The following VSNL1 variants were observed in gnomAD, a reference collection of about 807,000 sequenced individuals.
VSNL1 encodes visinin-like protein 1.
Under a neutral mutation model 20.4 loss-of-function variants are expected in VSNL1, and 6 were observed. The ratio of observed to expected loss-of-function variants is 0.29; its 90% CI spans 0.16 to 0.58. The LOEUF (loss-of-function observed/expected upper bound fraction) is 0.58, where lower values mean the gene tolerates loss of function less well. VSNL1 is among the 20% of genes least tolerant of loss of function. The probability of loss-of-function intolerance (pLI) is 0.90; values close to 1 mark genes in which losing one functional copy is unlikely to be tolerated. For synonymous variants in VSNL1, 93 were observed against 86.4 expected, an observed-to-expected ratio of 1.08 and a Z score of -0.42; for missense variants, 100 against 234.5, an observed-to-expected ratio of 0.43 and a Z score of 3.75.
At chr2:17,631,257 T>A (rs1458496853) in intron 2 of VSNL1, among the ~76,000 whole-genome samples, 1 of 152,070 alleles carries the variant, frequency 6.6e-6, no homozygotes, top group African/African-American at 2.4e-5. Flanking sequence ...GGGATGGACT[T>A]TCAAAATGAC....
In VSNL1 at chr2:17,605,265, A is replaced by G. The variant is rs183371967; in HGVS notation, c.162+13029A>G. Among the ~76,000 whole-genome samples, 328 of 152,304 alleles carry G rather than the reference A, an allele frequency of 2.2e-3. 1 individual carries two copies. Among genetic ancestry groups the G allele is most frequent in the African/African-American group, 6.2e-3 (258 of 41,558 alleles). On this transcript the variant is annotated intron_variant, in intron 2 of 3. Transcript: ENST00000295156. ...AAAGATCCTTCTCTGCACAGCATCA[A>G]GTTAGGATCTGCTCCAGGGGACTAT...
At chr2:17,571,442 T>C (rs76380463) in intron 1 of VSNL1, among the ~76,000 whole-genome samples, 1 of 152,214 alleles carries the variant, frequency 6.6e-6, no homozygotes, top group African/African-American at 2.4e-5. Context: ...GAATTTAAAG[T>C]TGACGTTTCT....
chr2:17,574,451 C>A (rs78835677), intron 1 of VSNL1, among the ~76,000 whole-genome samples: 6,944 of 152,172 alleles, frequency 0.046, 549 homozygotes, highest in African/African-American at 0.16. Context: ...AGATGAGTCA[C>A]CAATTTAACT....
chr2:17,616,291 GAAGCCCAGC>G (rs1486437456), intron 2 of VSNL1, among the ~76,000 whole-genome samples: 6 of 152,244 alleles, frequency 3.9e-5, no homozygotes, highest in Non-Finnish European at 5.9e-5. Flanking sequence ...TCACAAGAGT[GAAGCCCAGC>G]AGGTTCCATG....
intron 1 of VSNL1, among the ~76,000 whole-genome samples, chr2:17,561,327 C>T (rs1208010072): frequency 6.6e-6 from 1 of 152,108 alleles, no homozygotes; most frequent in Non-Finnish European, 1.5e-5. Context: ...AAGAGAGGCA[C>T]AGAAAGAGTG....
intron 2 of VSNL1, among the ~76,000 whole-genome samples, chr2:17,614,826 A>G (rs193137869): frequency 2.0e-5 from 3 of 152,376 alleles, no homozygotes; most frequent in African/African-American, 7.2e-5. Flanking sequence ...TGGGTCAGAT[A>G]GAGCTGGGTT....
At chr2:17,578,146 T>G (rs764238668) in intron 1 of VSNL1, among the ~76,000 whole-genome samples, 1 of 152,262 alleles carries the variant, frequency 6.6e-6, no homozygotes, top group African/African-American at 2.4e-5. Flanking sequence ...CACAATTTAA[T>G]GTTGAATGAA....
At chr2:17,571,931 GA>G (rs1035343521) in intron 1 of VSNL1, among the ~76,000 whole-genome samples, 1 of 152,150 alleles carries the variant, frequency 6.6e-6, no homozygotes, top group Non-Finnish European at 1.5e-5. Context: ...AGGAGAGAGA[GA>G]AAAGTTCACA....
chr2:17,628,453 G>T (rs1453467013), intron 2 of VSNL1, among the ~76,000 whole-genome samples: 1 of 152,322 alleles, frequency 6.6e-6, no homozygotes, highest in South Asian at 2.1e-4. Flanking sequence ...ACTAGGTACC[G>T]AGGGGCAGGA....
chr2:17,654,027 T>G (rs1334413326), intron 3 of VSNL1, among the ~76,000 whole-genome samples: 1 of 152,254 alleles, frequency 6.6e-6, no homozygotes, highest in African/African-American at 2.4e-5. Flanking sequence ...GATTTATCCA[T>G]GCTGTAGCAT....
At chr2:17,583,959 GT>G (rs1664408563) in intron 1 of VSNL1, among the ~76,000 whole-genome samples, 1 of 152,134 alleles carries the variant, frequency 6.6e-6, no homozygotes, top group Non-Finnish European at 1.5e-5. Flanking sequence ...AATAGTTACT[GT>G]TTTTTGGACA....
chr2:17,577,409 A>C (rs574448004), intron 1 of VSNL1, among the ~76,000 whole-genome samples: 357 of 152,244 alleles, frequency 2.3e-3, no homozygotes, highest in African/African-American at 8.3e-3. Flanking sequence ...GTCACTTATA[A>C]ATTATATTTC....
At chr2:17,626,186 G>GC (rs1365664261) in intron 2 of VSNL1, among the ~76,000 whole-genome samples, 4 of 152,104 alleles carry the variant, frequency 2.6e-5, no homozygotes, top group African/African-American at 9.7e-5. Flanking sequence ...ACCCCAATAT[G>GC]CCCCACCTGC....
chr2:17,611,096 T>A (rs1665073464), intron 2 of VSNL1, among the ~76,000 whole-genome samples: 1 of 152,132 alleles, frequency 6.6e-6, no homozygotes, highest in Non-Finnish European at 1.5e-5. Flanking sequence ...ACAAGAGCAA[T>A]AATTACAGCA....
chr2:17,637,212 T>A (rs1395892519), intron 2 of VSNL1, among the ~76,000 whole-genome samples: 1 of 152,216 alleles, frequency 6.6e-6, no homozygotes, highest in Non-Finnish European at 1.5e-5. Context: ...CCGGAGAGCC[T>A]GTCTGAAGGC....
intron 1 of VSNL1, among the ~76,000 whole-genome samples, chr2:17,582,651 G>C (rs1202011591): frequency 1.3e-5 from 2 of 152,100 alleles, no homozygotes; most frequent in African/African-American, 4.8e-5. Context: ...ACCTTGTGAA[G>C]ATGGCGGGCC....
intron 2 of VSNL1, among the ~76,000 whole-genome samples, chr2:17,611,159 CTG>C: frequency 6.6e-6 from 1 of 152,274 alleles, no homozygotes; most frequent in Admixed American, 6.5e-5. Flanking sequence ...TACATGTTCT[CTG>C]TGTTATCTGT....
At chr2:17,594,015 C>T (rs570543834) in intron 2 of VSNL1, among the ~76,000 whole-genome samples, 8 of 152,304 alleles carry the variant, frequency 5.3e-5, no homozygotes, top group African/African-American at 1.9e-4. Flanking sequence ...TGCCACGTTC[C>T]TCACTATTTG....
intron 2 of VSNL1, among the ~76,000 whole-genome samples, chr2:17,611,351 T>A (rs531804961): frequency 1.3e-5 from 2 of 152,320 alleles, no homozygotes; most frequent in Admixed American, 1.3e-4. Context: ...GTGTGACAAA[T>A]GACATAAACC....
Sources: gnomAD v4.1 joint callset for allele counts (sites outside exome capture counted in the v4.1 genomes callset) on GRCh38, gnomAD v4.1.1 for gene constraint, MANE v1.5 for transcripts, NCBI Gene and HGNC (gene_info 2026-07-23, HGNC 2026-07-21) for gene names.